MAK16: variants seen among roughly 807,000 people sequenced by gnomAD.
The protein encoded by MAK16 is protein MAK16 homolog.
A neutral mutation model predicts 49.9 loss-of-function variants in MAK16; 12 were observed. That is an observed-to-expected ratio of 0.24 (90% confidence interval 0.15 to 0.39). MAK16 has a LOEUF of 0.39. Ranked by LOEUF, MAK16 falls within the 10% of genes least tolerant of loss-of-function variation. MAK16 has a pLI of 1.00. For synonymous variants in MAK16, 115 were observed against 126.4 expected, an observed-to-expected ratio of 0.91 and a Z score of 0.60; for missense variants, 292 against 363.7, an observed-to-expected ratio of 0.80 and a Z score of 1.60.
intron 9 of MAK16, among the ~76,000 whole-genome samples, chr8:33,498,102 A>C (rs1452037639): frequency 2.9e-5 from 1 of 34,890 alleles, no homozygotes; most frequent in African/African-American, 8.0e-5. Flanking sequence ...TCTCCAAAAA[A>C]AAAAAAAAAA....
intron 1 of MAK16, among the ~76,000 whole-genome samples, chr8:33,487,649 C>A (rs1202220904): frequency 6.7e-6 from 1 of 150,058 alleles, no homozygotes; most frequent in Non-Finnish European, 1.5e-5. Flanking sequence ...CCTCAAACTC[C>A]CAACCTCAAG....
In MAK16 at chr8:33,487,665, C is replaced by T. The variant is rs139036973; in HGVS notation, c.16-713C>T. Among the ~76,000 whole-genome samples, 648 of 127,850 alleles carry T rather than the reference C, an allele frequency of 5.1e-3. 3 individuals carry two copies. The highest frequency in any genetic ancestry group is 6.5e-3 in the Non-Finnish European group (372 of 56,944). The allele number at this position is 127,850 out of a possible 152,430, so 83.9% of individuals were successfully genotyped here. ...CTCAAACTCCCAACCTCAAGTGATCCGCCTGCCTTGGCACTCAAAGTGCTG... is the reference window on the plus strand; with the variant it reads ...CTCAAACTCCCAACCTCAAGTGATCTGCCTGCCTTGGCACTCAAAGTGCTG... On this transcript the variant is annotated intron_variant, in intron 1 of 9. Coordinates refer to ENST00000360128, the MANE Select transcript of MAK16 (RefSeq NM_032509.4).
At chr8:33,497,325 C>G in intron 9 of MAK16, 28 bp downstream of exon 9, 1 of 1,307,072 alleles carries the variant, frequency 7.7e-7, no homozygotes. Context: ...AAAGATTGTC[C>G]TTTGGCCTGC....
Position 33,489,202 on chromosome 8 carries a change from G to C in MAK16, c.392+63G>C. ...TTTTTATGGAGCTTGTTTTGAAGTT[G>C]AGAAATTGTGAAACTTCGGGGCTTT... is the stretch of plus-strand genomic sequence containing the variant. On this transcript the variant is annotated intron_variant, in intron 5 of 9. Coordinates refer to ENST00000360128, the MANE Select transcript of MAK16 (RefSeq NM_032509.4). The surrounding 1 kb of genome is among the most constrained non-coding windows in gnomAD (Gnocchi z 4.2). 6.8e-7 allele frequency: 1 copy of C among 1,472,394 alleles called. No homozygotes were observed. Among genetic ancestry groups the C allele is most frequent in the African/African-American group, 1.4e-5 (1 of 70,970 alleles). 91.2% of individuals were successfully genotyped at this position (1,472,394 alleles called of 1,614,324 possible). A position where few individuals can be genotyped will look rare whatever the true frequency, so the allele number is the denominator to read the frequency against.
chr8:33,487,717 C>T (rs910754414), intron 1 of MAK16, among the ~76,000 whole-genome samples: 8 of 151,998 alleles, frequency 5.3e-5, no homozygotes, highest in South Asian at 2.1e-4. Context: ...CCACTACACC[C>T]GGCCCATGAG....
rs1173551409 is a variant in MAK16 at position 33,500,791 on chromosome 8, A to C, written c.*2162A>C. 2 of 313,690 alleles carry C rather than the reference A, an allele frequency of 6.4e-6. No individual in the cohort carries two copies. The highest frequency in any genetic ancestry group is 4.3e-5 in the African/African-American group (2 of 46,322). The allele number at this position is 313,690 out of a possible 1,614,324, so 19.4% of individuals were successfully genotyped here. A position where few individuals can be genotyped will look rare whatever the true frequency, so the allele number is the denominator to read the frequency against. Reference sequence around the variant, plus strand: ...CTTCATGGGCTGAGAAGGGGAAACCAGGATCTCCCCAACCAAGGGCCTATA... The same window carrying C: ...CTTCATGGGCTGAGAAGGGGAAACCCGGATCTCCCCAACCAAGGGCCTATA... On this transcript the variant is annotated 3_prime_UTR_variant, in exon 10 of 10. Transcript: ENST00000360128.
chr8:33,495,863 C>T (rs780639682), intron 7 of MAK16, among the ~76,000 whole-genome samples: 1 of 151,568 alleles, frequency 6.6e-6, no homozygotes, highest in Non-Finnish European at 1.5e-5. Flanking sequence ...ATTACAGGCA[C>T]CACCACTGCA....
At chr8:33,496,550 A>G in intron 7 of MAK16, 75 bp from the exon 8 acceptor site, 1 of 1,111,480 alleles carries the variant, frequency 9.0e-7, no homozygotes, top group Non-Finnish European at 1.3e-6. Context: ...AAAAAGTAAT[A>G]TTCTCCACAG....
Position 33,498,793 on chromosome 8 carries a change from GGAGT to G in MAK16, c.*171_*174del. 1.5e-6 allele frequency: 1 copy of G among 660,610 alleles called. No individual in the cohort carries two copies. Among genetic ancestry groups the G allele is most frequent in the Non-Finnish European group, 2.6e-6 (1 of 389,218 alleles). The allele number at this position is 660,610 out of a possible 1,614,324, so 40.9% of individuals were successfully genotyped here. On this transcript the variant is annotated 3_prime_UTR_variant, in exon 10 of 10. Coordinates refer to ENST00000360128, the MANE Select transcript of MAK16 (RefSeq NM_032509.4). ...GCCACGTCAGTGGGGCAAGAAATCT[GGAGT>G]GAGTGAAGAAAGCTAAGTTGTGAAC...
Position 33,485,277 on chromosome 8 carries a change from T to C in MAK16, c.15+56T>C, listed in dbSNP as rs1271774841. 22 of 1,612,988 alleles carry C rather than the reference T, an allele frequency of 1.4e-5. No homozygotes were observed. In the East Asian group the frequency reaches 4.7e-4, roughly 34 times the overall value. On this transcript the variant is annotated intron_variant, in intron 1 of 9. Transcript: ENST00000360128. The stretch of plus-strand genomic sequence containing the variant: ...GGGTTTGCGCAGGGAATTTTGCCCA[T>C]TTTCGGACACTTAGAAAACGCGTAC...
At chr8:33,488,324 T>A in intron 1 of MAK16, 54 bp from the exon 2 acceptor site, 1 of 1,554,380 alleles carries the variant, frequency 6.4e-7, no homozygotes, top group East Asian at 2.2e-5. Flanking sequence ...CTTGAATTAA[T>A]ATAGTATCTC....
chr8:33,488,492 A>G, intron 2 of MAK16, 28 bp from the exon 3 acceptor site: 1 of 1,613,874 alleles, frequency 6.2e-7, no homozygotes, highest in Non-Finnish European at 8.5e-7. Flanking sequence ...CCCATTTTAT[A>G]ATCTTTGTTT....
chr8:33,497,508 T>G (rs2676398), intron 9 of MAK16, among the ~76,000 whole-genome samples: 3,375 of 151,900 alleles, frequency 0.022, 62 homozygotes, highest in East Asian at 0.079. Context: ...AAATTTTTTT[T>G]TTTAGATGAA....
chr8:33,490,255 G>T (rs1307908366), intron 5 of MAK16, 30 bp from the exon 6 acceptor site: 6 of 1,580,970 alleles, frequency 3.8e-6, no homozygotes, highest in Non-Finnish European at 5.2e-6. Flanking sequence ...ACATGACAGT[G>T]GATTTTCTGA....
At position 33,500,407 on chromosome 8, in the gene MAK16, T is replaced by A. The variant is rs1395233997; in HGVS notation, c.*1778T>A. ...CTGTAGCAGGGCGCTCTTAACAGAC[T>A]CAGGTGTAAGGTTTGGATCCCTTGC... is the stretch of plus-strand genomic sequence containing the variant. On this transcript the variant is annotated 3_prime_UTR_variant, in exon 10 of 10. Coordinates refer to ENST00000360128, the MANE Select transcript of MAK16 (RefSeq NM_032509.4). The A allele has an allele frequency of 6.2e-7, 1 of 1,614,150 alleles. No individual in the cohort carries two copies. Among genetic ancestry groups the A allele is most frequent in the Admixed American group, 1.7e-5 (1 of 60,012 alleles).
At position 33,499,320 on chromosome 8, in the gene MAK16, T is replaced by A. The variant is rs199535978; in HGVS notation, c.*691T>A. The A allele has an allele frequency of 4.2e-4, 550 of 1,320,594 alleles. 10 individuals are homozygous for A. The East Asian group carries it at 9.2e-3, about 22-fold the overall frequency. 81.8% of individuals were successfully genotyped at this position (1,320,594 alleles called of 1,614,324 possible). ...ACAGGCTTTGATATTTTTTTTTTTTTAATTACTTTCCCCTTTTGCTTGATT... is the reference window on the plus strand; with the variant it reads ...ACAGGCTTTGATATTTTTTTTTTTTAAATTACTTTCCCCTTTTGCTTGATT... On this transcript the variant is annotated 3_prime_UTR_variant, in exon 10 of 10. Coordinates refer to ENST00000360128, the MANE Select transcript of MAK16 (RefSeq NM_032509.4).
rs1413199533 is a variant in MAK16 at position 33,489,801 on chromosome 8, A to G, written c.393-484A>G. 1.3e-5 allele frequency among the ~76,000 whole-genome samples: 2 copies of G among 152,202 alleles called. No homozygotes were observed. Among genetic ancestry groups the G allele is most frequent in the Non-Finnish European group, 2.9e-5 (2 of 68,038 alleles). On this transcript the variant is annotated intron_variant, in intron 5 of 9. Transcript: ENST00000360128. The surrounding 1 kb of genome is among the most constrained non-coding windows in gnomAD (Gnocchi z 4.2). ...TGGATTCACTGAAAACTAATTTTTA[A>G]AAGTGATATGAAATCCCCAGAATTA...
chr8:33,495,614 A>G lies in MAK16; in HGVS notation c.520A>G (p.Thr174Ala), dbSNP rs777189715. 1.2e-6 allele frequency: 2 copies of G among 1,609,164 alleles called. No homozygotes were observed. The highest frequency in any genetic ancestry group is 2.2e-5 in the South Asian group (2 of 90,870). Residue 174 changes from threonine (T) to alanine (A), a missense_variant and splice_region_variant, in exon 7 of 10, where the codon ACG becomes GCG. Thr to Ala is a moderately conservative substitution (Grantham distance 58). Coordinates refer to ENST00000360128, the MANE Select transcript of MAK16 (RefSeq NM_032509.4). ...ATTACTGGAGAGACTGAAACAAGAT[A>G]CGGTGAGAAAGCCATTAGCTTTGGG... ...KELLERLKQD[T>A]YGDIYNFPIH...
At position 33,498,961 on chromosome 8, in the gene MAK16, T is replaced by G. The variant is rs1348074517; in HGVS notation, c.*332T>G. 35 of 594,684 alleles carry G rather than the reference T, an allele frequency of 5.9e-5. No individual in the cohort carries two copies. Among genetic ancestry groups the G allele is most frequent in the Non-Finnish European group, 9.8e-5 (33 of 338,374 alleles). The allele number at this position is 594,684 out of a possible 1,614,324, so 36.8% of individuals were successfully genotyped here. A position where few individuals can be genotyped will look rare whatever the true frequency, so the allele number is the denominator to read the frequency against. ...ATGCTACATTACTTGGTGTCCTTTT[T>G]TCTCCCAAACTTTATTTAGAAATGG... On this transcript the variant is annotated 3_prime_UTR_variant, in exon 10 of 10. Coordinates refer to ENST00000360128, the MANE Select transcript of MAK16 (RefSeq NM_032509.4).
Sources: allele counts gnomAD v4.1 joint callset (sites outside exome capture counted in the v4.1 genomes callset), GRCh38; gene constraint gnomAD v4.1.1; non-coding constraint Gnocchi (gnomAD v3.1); transcripts MANE v1.5; gene names NCBI Gene and HGNC (gene_info 2026-07-23, HGNC 2026-07-21).